CDH23: variants seen among roughly 807,000 people sequenced by gnomAD.
CDH23 encodes cadherin-23.
Under a neutral mutation model 317.1 loss-of-function variants are expected in CDH23, and 189 were observed. The ratio of observed to expected loss-of-function variants is 0.60; its 90% CI spans 0.53 to 0.67. CDH23 has a LOEUF of 0.67. Among genes scored for constraint, CDH23 ranks in the 30% least tolerant of loss-of-function variants. The pLI is 0.00. For synonymous variants in CDH23, 1,839 were observed against 1,876.8 expected (o/e 0.98, Z 0.52); for missense variants, 4,401 against 4,592.4 (o/e 0.96, Z 1.20).
intron 3 of CDH23, among the ~76,000 whole-genome samples, chr10:71,475,964 T>C (rs1851774850): frequency 6.6e-6 from 1 of 152,198 alleles, no homozygotes; most frequent in African/African-American, 2.4e-5. Flanking sequence ...CAGTTTCCAC[T>C]CTTCAAAGCA....
intron 28 of CDH23, among the ~76,000 whole-genome samples, chr10:71,721,046 A>G (rs542748549): frequency 3.9e-5 from 6 of 152,260 alleles, no homozygotes; most frequent in African/African-American, 1.4e-4. Flanking sequence ...CCTGAAACCA[A>G]CTGAACACTT....
chr10:71,684,343 A>G (rs944526242), intron 18 of CDH23, among the ~76,000 whole-genome samples: 6 of 152,112 alleles, frequency 3.9e-5, no homozygotes, highest in Admixed American at 2.6e-4. Flanking sequence ...CATCGCTTTC[A>G]ACCAGCCAGG....
chr10:71,597,089 A>T (rs1181244269), intron 9 of CDH23, among the ~76,000 whole-genome samples: 1 of 152,126 alleles, frequency 6.6e-6, no homozygotes, highest in Non-Finnish European at 1.5e-5. Context: ...AGGCAAAGTG[A>T]CTGACTTGTT....
intron 1 of CDH23, among the ~76,000 whole-genome samples, chr10:71,420,439 GGTCATTA>G (rs1848714406): frequency 9.0e-5 from 1 of 11,166 alleles, no homozygotes. Flanking sequence ...TGATGATGAT[GGTCATTA>G]TGATGGTGAT....
intron 36 of CDH23, 73 bp downstream of exon 36, chr10:71,739,845 G>C: frequency 6.7e-7 from 1 of 1,492,474 alleles, no homozygotes; most frequent in African/African-American, 1.4e-5. Context: ...CTCCATCCAG[G>C]AGAGAGCCTG....
chr10:71,786,823 T>C (rs564846469), intron 44 of CDH23, among the ~76,000 whole-genome samples: 1 of 152,124 alleles, frequency 6.6e-6, no homozygotes, highest in East Asian at 1.9e-4. Context: ...TTGCCCCCAC[T>C]TTTTCTCTTT....
intron 14 of CDH23, among the ~76,000 whole-genome samples, chr10:71,655,123 G>A (rs1863361954): frequency 6.6e-6 from 1 of 152,178 alleles, no homozygotes; most frequent in South Asian, 2.1e-4. Context: ...AAGCAGGAGA[G>A]CAGAAGGGAA....
chr10:71,718,504 C>T (rs115003402), intron 28 of CDH23, among the ~76,000 whole-genome samples: 27 of 152,370 alleles, frequency 1.8e-4, no homozygotes, highest in African/African-American at 6.3e-4. Flanking sequence ...GGCTGGGCAG[C>T]TGTGCATGGG....
At chr10:71,809,666 C>A (rs1052626621) in intron 60 of CDH23, among the ~76,000 whole-genome samples, 154 bp from the exon 61 acceptor site, 10 of 152,200 alleles carry the variant, frequency 6.6e-5, no homozygotes, top group South Asian at 4.1e-4. Flanking sequence ...GGGCATCGTT[C>A]CCACTTGCCT....
At chr10:71,632,020 G>A (rs1038503409) in intron 11 of CDH23, among the ~76,000 whole-genome samples, 1 of 152,214 alleles carries the variant, frequency 6.6e-6, no homozygotes. Context: ...AAGAAGTGCT[G>A]GGGGCAGTGG....
chr10:71,572,456 T>C (rs914516450), intron 8 of CDH23, among the ~76,000 whole-genome samples: 1 of 152,308 alleles, frequency 6.6e-6, no homozygotes, highest in Non-Finnish European at 1.5e-5. Flanking sequence ...CCTGAAGGAC[T>C]GGAAGCGTGC....
intron 13 of CDH23, 99 bp from the exon 14 acceptor site, chr10:71,646,360 G>T (rs766982633): frequency 1.2e-5 from 19 of 1,548,474 alleles, no homozygotes; most frequent in Non-Finnish European, 1.7e-5. Context: ...CAGGTGCTCT[G>T]GGCTGGGGCC....
Position 71,465,558 on chromosome 10 carries a change from C to T in CDH23, c.145+19163C>T, listed in dbSNP as rs1008161929. The stretch of plus-strand genomic sequence containing the variant: ...GTCTGGATCTCTGGCTAGGCCAGCT[C>T]AGGGCAGGGGGGTGCCCCCGTGGCT... On this transcript the variant is annotated intron_variant, in intron 3 of 69. Transcript: ENST00000224721. Among the ~76,000 whole-genome samples the T allele has an allele frequency of 2.0e-5, 3 of 152,362 alleles. No homozygotes were observed. The East Asian group carries it at 5.8e-4, about 29-fold the overall frequency.
Position 71,615,487 on chromosome 10 carries a change from G to A in CDH23, c.833-17G>A. On this transcript the variant is annotated splice_polypyrimidine_tract_variant and intron_variant, in intron 9 of 69. Coordinates refer to ENST00000224721, the MANE Select transcript of CDH23 (RefSeq NM_022124.6). ...GCCCTGTGCCTGGTCACACCTGAAT[G>A]CTTCTCTCTCTTGCAGGGAATACCA... The A allele has an allele frequency of 6.3e-7, 1 of 1,596,602 alleles. No homozygotes were observed. Among genetic ancestry groups the A allele is most frequent in the East Asian group, 2.2e-5 (1 of 44,756 alleles).
At chr10:71,574,820 C>G (rs1260700984) in intron 8 of CDH23, among the ~76,000 whole-genome samples, 1 of 152,180 alleles carries the variant, frequency 6.6e-6, no homozygotes, top group African/African-American at 2.4e-5. Flanking sequence ...TCTCACACCT[C>G]ACCCCCTCCT....
At chr10:71,696,325 G>A (rs939380200) in intron 22 of CDH23, among the ~76,000 whole-genome samples, 2 of 152,162 alleles carry the variant, frequency 1.3e-5, no homozygotes, top group African/African-American at 4.8e-5. Flanking sequence ...ATGAATCCTG[G>A]CAATTGACTG....
At chr10:71,455,669 C>T (rs1184337521) in intron 3 of CDH23, among the ~76,000 whole-genome samples, 1 of 152,058 alleles carries the variant, frequency 6.6e-6, no homozygotes, top group Non-Finnish European at 1.5e-5. Context: ...ACAGTATGTT[C>T]AATTGTAACA....
intron 32 of CDH23, among the ~76,000 whole-genome samples, chr10:71,732,984 C>G (rs1053475810): frequency 6.6e-6 from 1 of 152,178 alleles, no homozygotes; most frequent in East Asian, 1.9e-4. Flanking sequence ...TGTCAGATCC[C>G]ACAGGTTGAG....
intron 16 of CDH23, among the ~76,000 whole-genome samples, chr10:71,678,648 TGCTCA>T (rs1355768347): frequency 6.6e-6 from 1 of 152,186 alleles, no homozygotes; most frequent in African/African-American, 2.4e-5. Context: ...CTGCCCTCCC[TGCTCA>T]GCTCCAGGTG....
Sources: allele counts gnomAD v4.1 joint callset (sites outside exome capture counted in the v4.1 genomes callset), GRCh38; gene constraint gnomAD v4.1.1; transcripts MANE v1.5; gene names NCBI Gene and HGNC (gene_info 2026-07-23, HGNC 2026-07-21).